The following PPFIBP1 variants were observed in gnomAD, a reference collection of about 807,000 sequenced individuals.
PPFIBP1 encodes the protein liprin-beta-1.
PPFIBP1 carries 112 observed loss-of-function variants against 137.8 expected under a neutral mutation model. That is an observed-to-expected ratio of 0.81 (90% CI 0.70 to 0.95). The LOEUF (loss-of-function observed/expected upper bound fraction) is 0.95, where lower values mean the gene tolerates loss of function less well. PPFIBP1 is among the 40% of genes least tolerant of loss of function. The pLI is 0.00. For missense variants in PPFIBP1, 1,083 were observed against 1,196.6 expected, an observed-to-expected ratio of 0.91 and a Z score of 1.40; for synonymous variants, 378 against 417.3, an observed-to-expected ratio of 0.91 and a Z score of 1.15.
intron 19 of PPFIBP1, chr12:27,677,811 A>G (rs2060620094): frequency 6.6e-6 from 1 of 152,262 alleles, no homozygotes. Flanking sequence ...ACCTGTAGCC[A>G]TCGTGGTTGA....
Position 27,667,191 on chromosome 12 carries a change from G to A in PPFIBP1, c.1017G>A (p.Leu339=), listed in dbSNP as rs185263684. The A allele has an allele frequency of 1.2e-6, 2 of 1,608,450 alleles. No homozygotes were observed. Among genetic ancestry groups the A allele is most frequent in the Non-Finnish European group, 8.5e-7 (1 of 1,177,764 alleles). Residue 339 remains leucine, a synonymous_variant, in exon 13 of 30, where the codon CTG becomes CTA. Coordinates refer to ENST00000228425, the MANE Select transcript of PPFIBP1 (RefSeq NM_003622.4). The part of the protein sequence containing the change: ...KKGKDGEYEE[L]LNSSSISSLL... ...GCAAAGATGGAGAATATGAAGAGCT[G>A]CTCAATTCCAGTTCCATCTCCTCTT... is the stretch of plus-strand genomic sequence containing the variant.
At chr12:27,598,301 C>A (rs2053555162) in intron 2 of PPFIBP1, among the ~76,000 whole-genome samples, 1 of 152,184 alleles carries the variant, frequency 6.6e-6, no homozygotes, top group African/African-American at 2.4e-5. Context: ...AGCAAAGTCA[C>A]ATCTTACATG....
chr12:27,591,736 A>G (rs1247224028), intron 2 of PPFIBP1, among the ~76,000 whole-genome samples: 4 of 152,230 alleles, frequency 2.6e-5, no homozygotes, highest in Non-Finnish European at 4.4e-5. Context: ...AGCTAGACTT[A>G]GAGTGGTTAA....
At chr12:27,558,125 A>G (rs1211391730) in intron 1 of PPFIBP1, among the ~76,000 whole-genome samples, 1 of 152,168 alleles carries the variant, frequency 6.6e-6, no homozygotes, top group African/African-American at 2.4e-5. Context: ...CAGTGAATAT[A>G]TTTGGGTGGA....
At chr12:27,636,012 C>T (rs2057640149) in intron 4 of PPFIBP1, 1 of 152,152 alleles carries the variant, frequency 6.6e-6, no homozygotes, top group Non-Finnish European at 1.5e-5. Flanking sequence ...GATATAAAAG[C>T]TAATAAGAAT....
chr12:27,635,006 AC>A lies in PPFIBP1; in HGVS notation c.163del (p.Leu55CysfsTer5), dbSNP rs759864989. On this transcript the variant is annotated frameshift_variant, in exon 4 of 30. Coordinates refer to ENST00000228425, the MANE Select transcript of PPFIBP1 (RefSeq NM_003622.4). LOFTEE classifies it high-confidence loss of function. ...GSLRALHLVE[D>X]LRGLLEMMET... is the part of the protein sequence containing the mutation. The stretch of plus-strand genomic sequence containing the variant: ...TTGCGAGCTCTGCACCTTGTGGAAG[AC>A]CTGCGTGGATTGTTAGAGATGATGG... 1 of 1,614,158 alleles carries A rather than the reference AC, an allele frequency of 6.2e-7. No individual in the cohort carries two copies. Among genetic ancestry groups the A allele is most frequent in the Non-Finnish European group, 8.5e-7 (1 of 1,180,000 alleles).
intron 2 of PPFIBP1, among the ~76,000 whole-genome samples, chr12:27,591,110 C>A (rs1315587868): frequency 6.8e-6 from 1 of 147,260 alleles, no homozygotes; most frequent in African/African-American, 2.5e-5. Context: ...TTTTTTTTGA[C>A]AAGCTAGAAA....
chr12:27,625,756 G>A (rs1356466529), intron 2 of PPFIBP1, among the ~76,000 whole-genome samples: 3 of 151,712 alleles, frequency 2.0e-5, no homozygotes, highest in Admixed American at 2.0e-4. Context: ...GCTAATTTTT[G>A]TATTTTTAGT....
chr12:27,664,077 A>C (rs2059710849), intron 11 of PPFIBP1, among the ~76,000 whole-genome samples: 1 of 152,174 alleles, frequency 6.6e-6, no homozygotes, highest in Non-Finnish European at 1.5e-5. Flanking sequence ...GTTTGTTTAA[A>C]GATGGCAGCT....
intron 3 of PPFIBP1, among the ~76,000 whole-genome samples, chr12:27,633,835 CT>C (rs56705005): frequency 3.3e-3 from 374 of 112,982 alleles, no homozygotes; most frequent in Middle Eastern, 0.01. Context: ...ACTCCCGTAT[CT>C]TTTTTTTTTT....
intron 1 of PPFIBP1, among the ~76,000 whole-genome samples, chr12:27,571,584 T>C (rs1430130151): frequency 6.6e-6 from 1 of 152,206 alleles, no homozygotes; most frequent in African/African-American, 2.4e-5. Flanking sequence ...TCTACTGTTC[T>C]TGCTGGGTCA....
intron 2 of PPFIBP1, among the ~76,000 whole-genome samples, chr12:27,620,171 A>T (rs777537607): frequency 1.3e-5 from 2 of 152,122 alleles, no homozygotes; most frequent in Non-Finnish European, 2.9e-5. Context: ...TAGGAAGGAT[A>T]CTTCTTAAAA....
intron 2 of PPFIBP1, among the ~76,000 whole-genome samples, chr12:27,602,198 C>T (rs747777389): frequency 6.6e-6 from 1 of 152,158 alleles, no homozygotes; most frequent in Non-Finnish European, 1.5e-5. Context: ...CATGAGGTGA[C>T]TAAATTTCCT....
At chr12:27,542,531 T>G (rs1285460519) in intron 1 of PPFIBP1, among the ~76,000 whole-genome samples, 1 of 152,244 alleles carries the variant, frequency 6.6e-6, no homozygotes, top group Non-Finnish European at 1.5e-5. Flanking sequence ...CTGTGCTCAT[T>G]CATTGTAGAA....
chr12:27,686,643 T>G (rs754321151), intron 24 of PPFIBP1, among the ~76,000 whole-genome samples: 44 of 152,284 alleles, frequency 2.9e-4, no homozygotes, highest in Non-Finnish European at 5.3e-4. Context: ...AGGTCCTTAC[T>G]AAAAAATAAT....
chr12:27,655,374 A>T (rs1379936197), intron 8 of PPFIBP1: 4 of 588,092 alleles, frequency 6.8e-6, no homozygotes, highest in South Asian at 2.5e-5. Context: ...CCTCAAGCTG[A>T]TTGAAGGGAC....
At chr12:27,613,702 C>CAA (rs36094116) in intron 2 of PPFIBP1, among the ~76,000 whole-genome samples, 2 of 107,794 alleles carry the variant, frequency 1.9e-5, no homozygotes, top group Non-Finnish European at 3.9e-5. Context: ...GACTCCATCT[C>CAA]AAAAAAAAAA....
intron 1 of PPFIBP1, among the ~76,000 whole-genome samples, chr12:27,531,115 G>A (rs973683803): frequency 3.9e-5 from 6 of 152,070 alleles, no homozygotes; most frequent in South Asian, 2.1e-4. Flanking sequence ...TATTTTGTAC[G>A]AGAAAAACAG....
chr12:27,614,912 T>C (rs762090440), intron 2 of PPFIBP1, among the ~76,000 whole-genome samples: 3 of 152,230 alleles, frequency 2.0e-5, no homozygotes, highest in Non-Finnish European at 4.4e-5. Flanking sequence ...AATTCCATGC[T>C]AACTAAAAGA....
Sources: allele counts gnomAD v4.1 joint callset (sites outside exome capture counted in the v4.1 genomes callset), GRCh38; gene constraint gnomAD v4.1.1; transcripts MANE v1.5; gene names NCBI Gene and HGNC (gene_info 2026-07-23, HGNC 2026-07-21).